COG6: variants seen among roughly 807,000 people sequenced by gnomAD.
COG6 encodes component of oligomeric golgi complex 6, also known as conserved oligomeric Golgi complex subunit 6.
In COG6, 74 loss-of-function variants were observed where a neutral mutation model predicts 88.8. The observed-to-expected ratio is 0.83, with a 90% CI of 0.69 to 1.01. The LOEUF (loss-of-function observed/expected upper bound fraction) is 1.01. COG6 is among the 50% of genes least tolerant of loss of function. The pLI, the probability that COG6 is intolerant of heterozygous loss-of-function variation, is 0.00. For missense variants in COG6, 800 were observed against 797.9 expected (o/e 1.00, Z -0.03); for synonymous variants, 286 against 278.7 (o/e 1.03, Z -0.26).
chr13:39,684,709 A>G (rs989655478), intron 8 of COG6, among the ~76,000 whole-genome samples: 1 of 152,230 alleles, frequency 6.6e-6, no homozygotes, highest in African/African-American at 2.4e-5. Context: ...GGAAAACTTA[A>G]TAATGTATCA....
chr13:39,760,600 A>G (rs1880980514), intron 18 of COG6, among the ~76,000 whole-genome samples: 1 of 152,190 alleles, frequency 6.6e-6, no homozygotes, highest in Admixed American at 6.5e-5. Context: ...ATCATACAAT[A>G]ACAAACCATA....
chr13:39,697,098 G>A lies in COG6; in HGVS notation c.1166+2373G>A, dbSNP rs117870924. On this transcript the variant is annotated intron_variant, in intron 12 of 18. Coordinates refer to ENST00000455146, the MANE Select transcript of COG6 (RefSeq NM_020751.3). ...TGATGGGAGTGGTGGGTAATGAAGA[G>A]TTCCGTTCAGTTTTGGCCTTGTCAG... Among the ~76,000 whole-genome samples, 1,357 of 151,250 alleles carry A rather than the reference G, an allele frequency of 9.0e-3. 10 individuals are homozygous for A. The highest frequency in any genetic ancestry group is 0.014 in the Non-Finnish European group (936 of 67,730).
At position 39,680,033 on chromosome 13, in the gene COG6, C is replaced by CGGTA. The variant is rs1314298543; in HGVS notation, c.683_684insGTAG (p.Trp229Ter). On this transcript the variant is annotated stop_gained and frameshift_variant, in exon 7 of 19. Transcript: ENST00000455146. LOFTEE classifies it high-confidence loss of function. The stretch of plus-strand genomic sequence containing the variant: ...AGAAACGGCTTATGAAAGACTTTAC[C>CGGTA]GATGGGCTCAAAGTAAGTGATTTCT... The CGGTA allele has an allele frequency of 6.3e-7, 1 of 1,580,576 alleles. No individual in the cohort carries two copies. Among genetic ancestry groups the CGGTA allele is most frequent in the African/African-American group, 1.3e-5 (1 of 74,262 alleles).
intron 18 of COG6, among the ~76,000 whole-genome samples, chr13:39,728,078 T>TTGTCTATAGGTAATTGTCTATAGGTAAA (rs1214189275): frequency 6.6e-6 from 1 of 152,082 alleles, no homozygotes; most frequent in Non-Finnish European, 1.5e-5. Flanking sequence ...TTAAGAAAAA[T>TTGTCTATAGGTAATTGTCTATAGGTAAA]ATTGGCAAAA....
In COG6 at chr13:39,749,125, T is replaced by C. The variant is rs573098232; in HGVS notation, c.1827-1821T>C. ...ACGTTAATCTAGCTAGTCACAGTCA[T>C]GTACTCTTGACTATGTGAAGAAACA... is the stretch of plus-strand genomic sequence containing the variant. On this transcript the variant is annotated intron_variant, in intron 18 of 18. Transcript: ENST00000455146. Among the ~76,000 whole-genome samples, 13 of 152,332 alleles carry C rather than the reference T, an allele frequency of 8.5e-5. No homozygotes were observed. In the South Asian group the frequency reaches 2.7e-3, roughly 32 times the overall value.
In COG6 at chr13:39,723,453, A is replaced by G. The variant is rs368554720; in HGVS notation, c.1692+13A>G. 67 of 1,410,650 alleles carry G rather than the reference A, an allele frequency of 4.7e-5. No homozygotes were observed. The South Asian group carries it at 6.1e-4, about 13-fold the overall frequency. The allele number at this position is 1,410,650 out of a possible 1,614,324, so 87.4% of individuals were successfully genotyped here. A position where few individuals can be genotyped will look rare whatever the true frequency, so the allele number is the denominator to read the frequency against. ...TAAACCTGAACAGGTAAGTGCATAG[A>G]TGTTCCTTCCTAATTCTAAGAACAT... On this transcript the variant is annotated intron_variant, in intron 16 of 18. Transcript: ENST00000455146.
At chr13:39,764,312 T>A (rs1202606429) in intron 18 of COG6, among the ~76,000 whole-genome samples, 1 of 137,858 alleles carries the variant, frequency 7.3e-6, no homozygotes, top group Admixed American at 8.1e-5. Flanking sequence ...AAAGAACCTA[T>A]GTTTTACTTG....
intron 13 of COG6, among the ~76,000 whole-genome samples, chr13:39,701,295 A>G (rs1877563492): frequency 6.6e-6 from 1 of 151,908 alleles, no homozygotes; most frequent in Non-Finnish European, 1.5e-5. Context: ...AGATGGTATC[A>G]TCTAAGTTAG....
intron 11 of COG6, among the ~76,000 whole-genome samples, chr13:39,693,242 G>A (rs749811486): frequency 6.6e-6 from 1 of 151,866 alleles, no homozygotes; most frequent in African/African-American, 2.4e-5. Flanking sequence ...TATTCATGGA[G>A]AGAGTTGGAA....
chr13:39,740,983 G>A (rs962115525), intron 18 of COG6, among the ~76,000 whole-genome samples: 6 of 152,072 alleles, frequency 3.9e-5, no homozygotes, highest in African/African-American at 1.4e-4. Context: ...TGGAAATGCT[G>A]GGTTTATGGT....
intron 8 of COG6, among the ~76,000 whole-genome samples, chr13:39,686,869 A>G (rs544359250): frequency 6.6e-6 from 1 of 151,844 alleles, no homozygotes; most frequent in African/African-American, 2.4e-5. Flanking sequence ...AGCTGGGACT[A>G]TAGGCATGCA....
At chr13:39,735,368 A>G (rs1390347345) in intron 18 of COG6, among the ~76,000 whole-genome samples, 1 of 152,126 alleles carries the variant, frequency 6.6e-6, no homozygotes, top group Non-Finnish European at 1.5e-5. Flanking sequence ...TAAACAAACA[A>G]GCCAAGAGAA....
At chr13:39,767,881 T>C (rs779220827) in intron 18 of COG6, among the ~76,000 whole-genome samples, 8 of 152,194 alleles carry the variant, frequency 5.3e-5, no homozygotes, top group Non-Finnish European at 8.8e-5. Flanking sequence ...AAAGCATTGC[T>C]AAACTGGAGC....
At chr13:39,791,374 A>G (rs1881932584) in exon 19 of COG6, 1 of 152,074 alleles carries the variant, frequency 6.6e-6, no homozygotes, top group South Asian at 2.1e-4. Context: ...TTAGTAACAG[A>G]TTTCCTAATA....
At position 39,663,531 on chromosome 13, in the gene COG6, G is replaced by A. The variant is rs531584792; in HGVS notation, c.370-1565G>A. Among the ~76,000 whole-genome samples, 103 of 152,276 alleles carry A rather than the reference G, an allele frequency of 6.8e-4. 1 individual carries two copies. Among genetic ancestry groups the A allele is most frequent in the African/African-American group, 2.5e-3 (102 of 41,566 alleles). On this transcript the variant is annotated intron_variant, in intron 3 of 18. Transcript: ENST00000455146. ...TAGCATTTAAGAAGTATGAGCATTT[G>A]AAGAACTTATTGGCAGTCTAATAAT...
At chr13:39,727,171 G>A (rs1367951788) in intron 17 of COG6, among the ~76,000 whole-genome samples, 2 of 151,990 alleles carry the variant, frequency 1.3e-5, no homozygotes, top group African/African-American at 2.4e-5. Context: ...GAAACCTGAT[G>A]ACTTTACTTC....
intron 15 of COG6, among the ~76,000 whole-genome samples, chr13:39,722,674 C>T (rs1444694551): frequency 6.6e-6 from 1 of 151,222 alleles, no homozygotes; most frequent in Non-Finnish European, 1.5e-5. Flanking sequence ...TTCAACCCAT[C>T]AAGGTAGTTC....
At chr13:39,766,584 A>G (rs1347524468) in intron 18 of COG6, among the ~76,000 whole-genome samples, 1 of 151,978 alleles carries the variant, frequency 6.6e-6, no homozygotes, top group African/African-American at 2.4e-5. Flanking sequence ...CCATCCCAAA[A>G]CCAGAGCAGT....
At chr13:39,743,721 G>C (rs1320631442) in intron 18 of COG6, among the ~76,000 whole-genome samples, 2 of 152,086 alleles carry the variant, frequency 1.3e-5, no homozygotes, top group East Asian at 3.9e-4. Flanking sequence ...CCAATCAATA[G>C]AAAAAGAGGG....
Sources: gnomAD v4.1 joint callset for allele counts (sites outside exome capture counted in the v4.1 genomes callset) on GRCh38, gnomAD v4.1.1 for gene constraint, MANE v1.5 for transcripts, NCBI Gene and HGNC (gene_info 2026-07-23, HGNC 2026-07-21) for gene names.